HEPH: variants seen among roughly 807,000 people sequenced by gnomAD.
HEPH encodes the protein hephaestin.
A neutral mutation model predicts 80.8 loss-of-function variants in HEPH; 69 were observed. The ratio of observed to expected loss-of-function variants is 0.85; its 90% CI spans 0.70 to 1.04. The LOEUF (loss-of-function observed/expected upper bound fraction) is 1.04, where lower values mean the gene tolerates loss of function less well. Among genes scored for constraint, HEPH ranks in the 50% least tolerant of loss-of-function variants. HEPH has a pLI of 0.00. For synonymous variants in HEPH, 431 were observed against 322.8 expected, an observed-to-expected ratio of 1.34 and a Z score of -3.60; for missense variants, 1,115 against 891.3, an observed-to-expected ratio of 1.25 and a Z score of -3.20.
At chrX:66,224,070 G>T (rs1164358809) in intron 15 of HEPH, among the ~76,000 whole-genome samples, 1 of 93,583 alleles carries the variant, frequency 1.1e-5, no homozygotes, top group Non-Finnish European at 2.0e-5. Flanking sequence ...AAATTCTGCA[G>T]CCCCTCTTTC....
chrX:66,198,829 C>G, intron 10 of HEPH, 49 bp from the exon 11 acceptor site: 1 of 996,831 alleles, frequency 1.0e-6, no homozygotes, highest in Non-Finnish European at 1.4e-6. Flanking sequence ...TCTACAACTG[C>G]TGAAACTATT....
chrX:66,239,397 G>A (rs1293375800), intron 15 of HEPH, among the ~76,000 whole-genome samples: 2 of 111,596 alleles, frequency 1.8e-5, no homozygotes, highest in Non-Finnish European at 3.8e-5. Context: ...ATACTTTTTA[G>A]GAGCATGCCA....
At chrX:66,164,578 A>G in intron 1 of HEPH, 108 bp downstream of exon 1, 1 of 547,024 alleles carries the variant, frequency 1.8e-6, no homozygotes, top group Non-Finnish European at 2.2e-6. Flanking sequence ...AGAAAAAGTC[A>G]GTGGCCAAAA....
intron 4 of HEPH, among the ~76,000 whole-genome samples, chrX:66,179,329 T>A (rs2086977881): frequency 8.9e-6 from 1 of 112,017 alleles, no homozygotes; most frequent in Admixed American, 9.5e-5. Context: ...ACCAGTACCA[T>A]GCTGTTTTGG....
Position 66,207,276 on chromosome X carries a change from T to C in HEPH, c.2373T>C (p.Asp791=). 1 of 1,203,302 alleles carries C rather than the reference T, an allele frequency of 8.3e-7. No individual in the cohort carries two copies. Among genetic ancestry groups the C allele is most frequent in the East Asian group, 3.0e-5 (1 of 33,701 alleles). Residue 791 remains aspartate (D), a synonymous_variant, in exon 14 of 21, where the codon GAT becomes GAC. Coordinates refer to ENST00000343002, the MANE Select transcript of HEPH (RefSeq NM_001367233.3). ...YKKAVFREYT[D]GTFRIPRPRT... ...AAGCTGTATTCAGGGAATACACTGA[T>C]GGTACATTCAGGATCCCTCGGCCAA... is the stretch of plus-strand genomic sequence containing the variant.
intron 5 of HEPH, 88 bp from the exon 6 acceptor site, chrX:66,189,596 T>A (rs2087681105): frequency 1.0e-6 from 1 of 977,465 alleles, no homozygotes; most frequent in Admixed American, 2.6e-5. Flanking sequence ...CTCATTTAAA[T>A]ATTATCTATT....
chrX:66,264,099 C>T (rs925888619), intron 20 of HEPH, among the ~76,000 whole-genome samples: 1 of 109,498 alleles, frequency 9.1e-6, no homozygotes, highest in African/African-American at 3.3e-5. Context: ...GACTCAGAAG[C>T]AAGGAGAGTA....
intron 1 of HEPH, among the ~76,000 whole-genome samples, chrX:66,165,413 A>C (rs1404300892): frequency 8.9e-6 from 1 of 111,773 alleles, no homozygotes; most frequent in East Asian, 2.8e-4. Context: ...AAGGCTGCTG[A>C]GAGATTGAAG....
At chrX:66,255,941 G>T (rs959468245) in intron 16 of HEPH, among the ~76,000 whole-genome samples, 164 bp from the exon 17 acceptor site, 2 of 112,508 alleles carry the variant, frequency 1.8e-5, no homozygotes, top group African/African-American at 6.5e-5. Context: ...ATAATTGTTA[G>T]AATGAATTCA....
chrX:66,232,994 A>G (rs1269539548), intron 15 of HEPH, among the ~76,000 whole-genome samples: 1 of 111,174 alleles, frequency 9.0e-6, no homozygotes, highest in Non-Finnish European at 1.9e-5. Flanking sequence ...TATCAATTAT[A>G]GTACCTTAAG....
intron 15 of HEPH, among the ~76,000 whole-genome samples, chrX:66,250,112 A>C (rs143929078): frequency 9.0e-6 from 1 of 111,359 alleles, no homozygotes; most frequent in East Asian, 2.8e-4. Flanking sequence ...CCACCTTGTA[A>C]TTCTACATGG....
chrX:66,195,097 G>C lies in HEPH; in HGVS notation c.1370-1G>C. 1 of 1,178,617 alleles carries C rather than the reference G, an allele frequency of 8.5e-7. No homozygotes were observed. Among genetic ancestry groups the C allele is most frequent in the Non-Finnish European group, 1.1e-6 (1 of 880,091 alleles). Reference sequence around the variant, plus strand: ...CATTGTCTCTCCTTCCCATTTTCCAGGGCCAGTGATCCGGGCTGAGGTGGG... The same window carrying C: ...CATTGTCTCTCCTTCCCATTTTCCACGGCCAGTGATCCGGGCTGAGGTGGG... On this transcript the variant is annotated splice_acceptor_variant, in intron 8 of 20. Transcript: ENST00000343002. LOFTEE classifies it high-confidence loss of function.
intron 15 of HEPH, among the ~76,000 whole-genome samples, chrX:66,241,515 G>A (rs1349114280): frequency 9.0e-6 from 1 of 111,013 alleles, no homozygotes; most frequent in Non-Finnish European, 1.9e-5. Flanking sequence ...GCCAAACAGG[G>A]GTACTATATA....
intron 15 of HEPH, among the ~76,000 whole-genome samples, chrX:66,247,994 A>G (rs998867662): frequency 9.0e-6 from 1 of 111,594 alleles, no homozygotes; most frequent in Non-Finnish European, 1.9e-5. Flanking sequence ...CCTTTCTTTT[A>G]TCCAGTTACA....
Position 66,229,836 on chromosome X carries a change from A to T in HEPH, c.2563+21590A>T, listed in dbSNP as rs1381737336. 1.1e-4 allele frequency among the ~76,000 whole-genome samples: 12 copies of T among 109,491 alleles called. No homozygotes were observed. In the South Asian group the frequency reaches 1.2e-3, roughly 11 times the overall value. ...CATGTGCACATTGTGCAGGTTAGTTACATATATATACATGTGCCATGCTGG... is the reference window on the plus strand; with the variant it reads ...CATGTGCACATTGTGCAGGTTAGTTTCATATATATACATGTGCCATGCTGG... On this transcript the variant is annotated intron_variant, in intron 15 of 20. Coordinates refer to ENST00000343002, the MANE Select transcript of HEPH (RefSeq NM_001367233.3).
At chrX:66,231,988 G>A (rs1366743519) in intron 15 of HEPH, among the ~76,000 whole-genome samples, 1 of 110,162 alleles carries the variant, frequency 9.1e-6, no homozygotes, top group Non-Finnish European at 1.9e-5. Context: ...TTAGCATGAA[G>A]GGTTGTTGAA....
chrX:66,259,358 AG>A lies in HEPH; in HGVS notation c.3036+384del, dbSNP rs1371886423. Among the ~76,000 whole-genome samples, 19 of 111,947 alleles carry A rather than the reference AG, an allele frequency of 1.7e-4. 1 individual carries two copies. The South Asian group carries it at 4.9e-3, about 29-fold the overall frequency. ...TCTATTATAAGAAGAGCTTCAACTT[AG>A]GGGGTACATGGAACAATATGTAGAT... On this transcript the variant is annotated intron_variant, in intron 18 of 20. Coordinates refer to ENST00000343002, the MANE Select transcript of HEPH (RefSeq NM_001367233.3).
rs2090482326 is a variant in HEPH at position 66,239,355 on chromosome X, C to T, written c.2564-15680C>T. On this transcript the variant is annotated intron_variant, in intron 15 of 20. Coordinates refer to ENST00000343002, the MANE Select transcript of HEPH (RefSeq NM_001367233.3). Reference sequence around the variant, plus strand: ...CCCTTCAACCCAGCTTTTGTGTCTTCCTTCCATCTATTCTCAGTATCTTCC... The same window carrying T: ...CCCTTCAACCCAGCTTTTGTGTCTTTCTTCCATCTATTCTCAGTATCTTCC... Among the ~76,000 whole-genome samples the T allele has an allele frequency of 2.7e-5, 3 of 111,709 alleles. 1 individual carries two copies. The highest frequency in any genetic ancestry group is 9.5e-5 in the Admixed American group (1 of 10,487).
intron 15 of HEPH, 151 bp from the exon 16 acceptor site, chrX:66,254,884 G>A: frequency 2.7e-6 from 1 of 370,847 alleles, no homozygotes; most frequent in Admixed American, 4.4e-5. Flanking sequence ...GGAGGGAGAA[G>A]AGCAAGGTCA....
Sources: allele counts gnomAD v4.1 joint callset (sites outside exome capture counted in the v4.1 genomes callset), GRCh38; gene constraint gnomAD v4.1.1; transcripts MANE v1.5; gene names NCBI Gene and HGNC (gene_info 2026-07-23, HGNC 2026-07-21).